NUDT1: variants seen among roughly 807,000 people sequenced by gnomAD.
NUDT1 encodes the protein oxidized purine nucleoside triphosphate hydrolase.
In NUDT1, 16 loss-of-function variants were observed where a neutral mutation model predicts 11.3. The observed-to-expected ratio is 1.41, with a 90% CI of 0.96 to 2.15. The LOEUF (loss-of-function observed/expected upper bound fraction) is 2.15. NUDT1 is among the 30% of genes most tolerant of loss of function. The pLI, the probability that NUDT1 is intolerant of heterozygous loss-of-function variation, is 0.00. For synonymous variants in NUDT1, 101 were observed against 84.4 expected (o/e 1.20, Z -1.08); for missense variants, 234 against 208.4 (o/e 1.12, Z -0.76).
At chr7:2,249,034 T>C (rs33981648) in intron 2 of NUDT1, among the ~76,000 whole-genome samples, 41,487 of 152,218 alleles carry the variant, frequency 0.27, 7,106 homozygotes, top group East Asian at 0.52. Context: ...ATTTTTAAAT[T>C]AGCAACAGCG....
intron 2 of NUDT1, chr7:2,249,158 C>G (rs1284918506): frequency 6.5e-6 from 1 of 152,766 alleles, no homozygotes; most frequent in African/African-American, 2.4e-5. Flanking sequence ...TACACCTCCT[C>G]CAGGCACAGC....
chr7:2,251,033 C>A lies in NUDT1; in HGVS notation c.*32C>A. On this transcript the variant is annotated 3_prime_UTR_variant, in exon 4 of 4. Transcript: ENST00000356714. The stretch of plus-strand genomic sequence containing the variant: ...CCCAGGGCAGCCCCTGGGCAGGAGA[C>A]GTGGCTGCTGAACAGCCGCAAACCA... 1 of 1,611,152 alleles carries A rather than the reference C, an allele frequency of 6.2e-7. No homozygotes were observed. Among genetic ancestry groups the A allele is most frequent in the Non-Finnish European group, 8.5e-7 (1 of 1,178,410 alleles).
At chr7:2,250,758 A>T (rs1794984865) in intron 3 of NUDT1, 71 bp from the exon 4 acceptor site, 3 of 1,563,860 alleles carry the variant, frequency 1.9e-6, no homozygotes, top group East Asian at 4.6e-5. Context: ...GCGCCCGGCC[A>T]AAAAAAACAT....
Position 2,242,240 on chromosome 7 carries a change from C to CGGAAGCGGCGGTGCAGGTACG in NUDT1, c.-28_-13+5dup, listed in dbSNP as rs1384914716. 5.5e-6 allele frequency: 8 copies of CGGAAGCGGCGGTGCAGGTACG among 1,462,964 alleles called. No individual in the cohort carries two copies. The highest frequency in any genetic ancestry group is 6.4e-6 in the Non-Finnish European group (7 of 1,101,588). 90.6% of individuals were successfully genotyped at this position (1,462,964 alleles called of 1,614,324 possible). On this transcript the variant is annotated 5_prime_UTR_variant, in exon 1 of 4. Coordinates refer to ENST00000356714, the MANE Select transcript of NUDT1 (RefSeq NM_002452.4). ...CACTTCCGGTCAGAGGCCACGCCCC[C>CGGAAGCGGCGGTGCAGGTACG]GGAAGCGGCGGTGCAGGTACGAAAA...
intron 2 of NUDT1, 61 bp downstream of exon 2, chr7:2,244,787 G>A (rs528788773): frequency 8.9e-5 from 139 of 1,558,524 alleles, no homozygotes; most frequent in Non-Finnish European, 1.1e-4. Flanking sequence ...GATTCGGGCT[G>A]TAGGGCCACA....
intron 2 of NUDT1, among the ~76,000 whole-genome samples, chr7:2,246,632 G>A (rs919547647): frequency 2.0e-5 from 3 of 152,200 alleles, no homozygotes; most frequent in African/African-American, 7.2e-5. Flanking sequence ...TGTCACGGTC[G>A]AAGGAACTTT....
rs113207703 is a variant in NUDT1 at position 2,249,788 on chromosome 7, T to C, written c.153-69T>C. ...CTGTGTGTAGATGCCCAGCTCCTCC[T>C]CCCTGCCATCGTGTGGGCATGGCAC... On this transcript the variant is annotated intron_variant, in intron 2 of 3. Coordinates refer to ENST00000356714, the MANE Select transcript of NUDT1 (RefSeq NM_002452.4). 436 of 1,593,082 alleles carry C rather than the reference T, an allele frequency of 2.7e-4. 6 individuals carry two copies. The African/African-American group carries it at 5.1e-3, about 19-fold the overall frequency.
chr7:2,249,905 G>A lies in NUDT1; in HGVS notation c.201G>A (p.Val67=). The A allele has an allele frequency of 6.2e-7, 1 of 1,614,180 alleles. No homozygotes were observed. The highest frequency in any genetic ancestry group is 2.2e-5 in the East Asian group (1 of 44,892). The change falls in exon 3 of 4, where the codon GTG becomes GTA. Residue 67 remains valine (V), a synonymous_variant. Transcript: ENST00000356714. ...TGACAGTGGACGCCCTGCACAAGGT[G>A]GGCCAGATCGTGTTTGAGTTCGTGG... The part of the protein sequence containing the change: ...SGLTVDALHK[V]GQIVFEFVGE...
intron 2 of NUDT1, among the ~76,000 whole-genome samples, chr7:2,245,320 GC>G (rs1562406877): frequency 1.3e-5 from 2 of 152,166 alleles, no homozygotes; most frequent in South Asian, 2.1e-4. Flanking sequence ...ACAGACGTTA[GC>G]CCCCGTTCGT....
intron 1 of NUDT1, chr7:2,242,498 C>A (rs914234865): frequency 7.0e-6 from 3 of 429,240 alleles, no homozygotes; most frequent in Non-Finnish European, 1.2e-5. Flanking sequence ...AGGAGTAAAT[C>A]ACAAAAATTT....
intron 2 of NUDT1, among the ~76,000 whole-genome samples, chr7:2,248,547 CTTTTTT>C (rs11393832): frequency 0.19 from 23,162 of 122,582 alleles, 1,960 homozygotes; most frequent in Middle Eastern, 0.29. Flanking sequence ...ATGATGTTTG[CTTTTTT>C]TTTTTTTTTT....
intron 2 of NUDT1, 108 bp from the exon 3 acceptor site, chr7:2,249,749 G>C (rs1001210819): frequency 8.7e-5 from 125 of 1,436,916 alleles, no homozygotes; most frequent in Non-Finnish European, 1.2e-4. Flanking sequence ...CATCCACCCT[G>C]GTGGCTCCCT....
At chr7:2,247,967 A>G (rs1054047268) in intron 2 of NUDT1, 4 of 152,230 alleles carry the variant, frequency 2.6e-5, no homozygotes, top group African/African-American at 9.6e-5. Flanking sequence ...GCTCAAGCCC[A>G]ACTTTAATTA....
chr7:2,244,451 T>TTGCC, intron 1 of NUDT1, 112 bp from the exon 2 acceptor site: 9 of 981,622 alleles, frequency 9.2e-6, no homozygotes, highest in Non-Finnish European at 1.3e-5. Flanking sequence ...AGTTACAGCA[T>TTGCC]ACCCCCCCGC....
At chr7:2,249,554 T>C in intron 2 of NUDT1, 1 of 454,534 alleles carries the variant, frequency 2.2e-6, no homozygotes, top group East Asian at 4.5e-5. Flanking sequence ...GCCTGGGCTG[T>C]CACTGGTACA....
At chr7:2,244,820 C>A in intron 2 of NUDT1, 94 bp downstream of exon 2, 2 of 1,453,746 alleles carry the variant, frequency 1.4e-6, no homozygotes, top group Non-Finnish European at 1.9e-6. Context: ...CCACTAAGAG[C>A]TAAGTGACCT....
intron 3 of NUDT1, among the ~76,000 whole-genome samples, chr7:2,250,319 C>A (rs1168729088): frequency 6.6e-6 from 1 of 152,236 alleles, no homozygotes. Flanking sequence ...GCTGGCCAGA[C>A]GCAGTGGCTC....
chr7:2,242,573 G>A, intron 1 of NUDT1: 1 of 343,382 alleles, frequency 2.9e-6, no homozygotes, highest in Non-Finnish European at 5.3e-6. Context: ...CGGGCCTGGT[G>A]TGAAACTAAG....
intron 2 of NUDT1, 32 bp downstream of exon 2, chr7:2,244,758 G>A (rs750206301): frequency 2.6e-5 from 42 of 1,588,670 alleles, no homozygotes; most frequent in South Asian, 1.3e-4. Context: ...CCATAGAACC[G>A]GCTTTCCCAG....
Sources: gnomAD v4.1 joint callset for allele counts (sites outside exome capture counted in the v4.1 genomes callset) on GRCh38, gnomAD v4.1.1 for gene constraint, MANE v1.5 for transcripts, NCBI Gene and HGNC (gene_info 2026-07-23, HGNC 2026-07-21) for gene names.